NTM: variants seen among roughly 807,000 people sequenced by gnomAD.
NTM encodes the protein IgLON family member 2.
Under a neutral mutation model 42.1 loss-of-function variants are expected in NTM, and 13 were observed. That is an observed-to-expected ratio of 0.31 (90% CI 0.20 to 0.49). NTM has a LOEUF of 0.49. NTM is among the 20% of genes least tolerant of loss of function. The pLI is 0.99. For missense variants in NTM, 373 were observed against 452.8 expected, an observed-to-expected ratio of 0.82 and a Z score of 1.60; for synonymous variants, 187 against 179.2, an observed-to-expected ratio of 1.04 and a Z score of -0.35.
At chr11:131,656,072 T>C (rs372404634) in intron 1 of NTM, among the ~76,000 whole-genome samples, 4 of 152,310 alleles carry the variant, frequency 2.6e-5, no homozygotes, top group East Asian at 3.9e-4. Flanking sequence ...CAGATCCTCA[T>C]CTGCCATTTT....
chr11:131,911,062 T>G, intron 1 of NTM: 2 of 1,093,330 alleles, frequency 1.8e-6, no homozygotes, highest in Non-Finnish European at 1.1e-6. Flanking sequence ...CGCCTCTGGG[T>G]AGCTGGATGA....
chr11:131,912,057 G>C (rs897047564), intron 2 of NTM, among the ~76,000 whole-genome samples: 3 of 152,220 alleles, frequency 2.0e-5, no homozygotes, highest in Admixed American at 2.0e-4. Flanking sequence ...GTCTGGCTTG[G>C]AGTGAATGCC....
At chr11:131,887,288 T>C (rs1256168545) in intron 1 of NTM, among the ~76,000 whole-genome samples, 1 of 152,204 alleles carries the variant, frequency 6.6e-6, no homozygotes, top group Non-Finnish European at 1.5e-5. Flanking sequence ...GTCAATTATA[T>C]CTCAATAAAG....
intron 7 of NTM, chr11:132,315,145 T>C: frequency 1.9e-5 from 17 of 881,906 alleles, no homozygotes; most frequent in Non-Finnish European, 2.3e-5. Context: ...GGTAAAATAG[T>C]CAAGAACTCA....
chr11:131,382,167 A>AGATG (rs1286878005), intron 1 of NTM, among the ~76,000 whole-genome samples: 1 of 152,206 alleles, frequency 6.6e-6, no homozygotes, highest in East Asian at 1.9e-4. Context: ...TACAAGCATA[A>AGATG]GATGACTGGG....
At chr11:132,089,721 A>G (rs1200962461) in intron 2 of NTM, among the ~76,000 whole-genome samples, 3 of 152,096 alleles carry the variant, frequency 2.0e-5, no homozygotes, top group South Asian at 2.1e-4. Flanking sequence ...AGCGTCAGTG[A>G]TTTCACCATT....
At chr11:131,703,808 G>A (rs1362372999) in intron 1 of NTM, among the ~76,000 whole-genome samples, 1 of 152,160 alleles carries the variant, frequency 6.6e-6, no homozygotes, top group Non-Finnish European at 1.5e-5. Flanking sequence ...AGAGCGAAGT[G>A]AGTAGCATAC....
intron 1 of NTM, among the ~76,000 whole-genome samples, chr11:131,845,381 A>G (rs1251161377): frequency 6.6e-6 from 1 of 152,050 alleles, no homozygotes. Flanking sequence ...TCCTGACTGA[A>G]ATGGAAATCT....
In NTM at chr11:131,383,549, G is replaced by A. The variant is rs542089863; in HGVS notation, c.82+12661G>A. Among the ~76,000 whole-genome samples, 46 of 152,278 alleles carry A rather than the reference G, an allele frequency of 3.0e-4. No individual in the cohort carries two copies. In the South Asian group the frequency reaches 9.4e-3, roughly 31 times the overall value. On this transcript the variant is annotated intron_variant, in intron 1 of 8. Coordinates refer to ENST00000683400, the MANE Select transcript of NTM (RefSeq NM_001352005.2). Reference sequence around the variant, plus strand: ...CTAACGTCTACAGGGAAGAGAGCATGGTAGGAGTTCAGAATTCTGAAATCA... The same window carrying A: ...CTAACGTCTACAGGGAAGAGAGCATAGTAGGAGTTCAGAATTCTGAAATCA...
intron 1 of NTM, among the ~76,000 whole-genome samples, chr11:131,591,782 G>C (rs2059388698): frequency 1.3e-5 from 2 of 152,182 alleles, no homozygotes; most frequent in Non-Finnish European, 2.9e-5. Flanking sequence ...CCAGCAGCAG[G>C]CACCAGCATG....
chr11:131,685,343 A>G (rs2073708959), intron 1 of NTM, among the ~76,000 whole-genome samples: 1 of 152,170 alleles, frequency 6.6e-6, no homozygotes, highest in African/African-American at 2.4e-5. Context: ...ATCCATGGGA[A>G]GCAGCTGGGG....
rs563478313 is a variant in NTM, at chr11:131,720,199, A to G, written c.83-191365A>G. Among the ~76,000 whole-genome samples, 5 of 152,368 alleles carry G rather than the reference A, an allele frequency of 3.3e-5. No individual in the cohort carries two copies. In the East Asian group the frequency reaches 9.6e-4, roughly 29 times the overall value. On this transcript the variant is annotated intron_variant, in intron 1 of 8. Transcript: ENST00000683400. ...CCAGGTAGTGTGCTAGGTGCTTGAC[A>G]TAAGGTACTGCATTTAACTCTCATA...
At chr11:131,405,553 C>T (rs936408505) in intron 1 of NTM, among the ~76,000 whole-genome samples, 24 of 152,106 alleles carry the variant, frequency 1.6e-4, no homozygotes, top group African/African-American at 4.8e-4. Context: ...TTCACGTTTG[C>T]GCCAATACCT....
chr11:132,223,891 AGC>A (rs1296935115), intron 4 of NTM, among the ~76,000 whole-genome samples: 2 of 152,194 alleles, frequency 1.3e-5, no homozygotes, highest in African/African-American at 4.8e-5. Flanking sequence ...GGTAGGTGAC[AGC>A]GCAGGTGTCT....
chr11:132,151,825 T>C (rs2071969457), intron 3 of NTM, among the ~76,000 whole-genome samples: 1 of 152,166 alleles, frequency 6.6e-6, no homozygotes, highest in Non-Finnish European at 1.5e-5. Context: ...CTTCGTGTGT[T>C]AAAGTAATTC....
At chr11:132,139,290 G>A (rs2068611459) in intron 2 of NTM, among the ~76,000 whole-genome samples, 1 of 152,198 alleles carries the variant, frequency 6.6e-6, no homozygotes, top group South Asian at 2.1e-4. Flanking sequence ...TTAGAATTTA[G>A]AGTTCTTGGC....
chr11:132,071,273 C>T (rs577410623), intron 2 of NTM, among the ~76,000 whole-genome samples: 343 of 118,544 alleles, frequency 2.9e-3, no homozygotes, highest in African/African-American at 0.011. Flanking sequence ...CACTGACCAT[C>T]ACAGGTTAGT....
At chr11:131,575,646 T>G (rs2137127709) in intron 1 of NTM, among the ~76,000 whole-genome samples, 1 of 152,370 alleles carries the variant, frequency 6.6e-6, no homozygotes, top group East Asian at 1.9e-4. Flanking sequence ...ACTTTCACTC[T>G]ATTTCCTTCT....
At chr11:132,086,362 G>A (rs2059713799) in intron 2 of NTM, among the ~76,000 whole-genome samples, 1 of 149,928 alleles carries the variant, frequency 6.7e-6, no homozygotes. Context: ...ACAAGGTGGA[G>A]AAAGGTAATT....
Sources: gnomAD v4.1 joint callset for allele counts (sites outside exome capture counted in the v4.1 genomes callset) on GRCh38, gnomAD v4.1.1 for gene constraint, MANE v1.5 for transcripts, NCBI Gene and HGNC (gene_info 2026-07-23, HGNC 2026-07-21) for gene names.